The following DOC2B variants were observed in gnomAD, a reference collection of about 807,000 sequenced individuals.
DOC2B encodes the protein double C2 domain beta, also known as double C2-like domain-containing protein beta.
In DOC2B, 21 loss-of-function variants were observed where a neutral mutation model predicts 28.9. That is an observed-to-expected ratio of 0.73 (90% confidence interval 0.52 to 1.05). DOC2B has a LOEUF of 1.05. Ranked by LOEUF, DOC2B falls within the 50% of genes least tolerant of loss-of-function variation. DOC2B has a pLI of 0.00. For synonymous variants in DOC2B, 194 were observed against 178.1 expected (o/e 1.09, Z -0.71); for missense variants, 384 against 421.1 (o/e 0.91, Z 0.77).
At chr17:160,778 G>C (rs2040192399) in intron 5 of DOC2B, among the ~76,000 whole-genome samples, 1 of 152,182 alleles carries the variant, frequency 6.6e-6, no homozygotes, top group Non-Finnish European at 1.5e-5. Context: ...GGGCGTAGCT[G>C]CTGGAGCAGG....
chr17:170,301 G>A (rs2040297341), intron 2 of DOC2B, among the ~76,000 whole-genome samples: 1 of 152,206 alleles, frequency 6.6e-6, no homozygotes, highest in South Asian at 2.1e-4. Context: ...GGGGTGGGAT[G>A]GAGCGTGCAG....
At chr17:164,626 G>A (rs7223862) in intron 2 of DOC2B, among the ~76,000 whole-genome samples, 111,926 of 151,506 alleles carry the variant, frequency 0.74, 42,056 homozygotes, top group East Asian at 0.86. Context: ...GACACAGTCT[G>A]AGACTAGGCC....
intron 2 of DOC2B, among the ~76,000 whole-genome samples, chr17:165,477 G>C (rs1022177541): frequency 9.9e-5 from 14 of 142,098 alleles, no homozygotes; most frequent in African/African-American, 3.7e-4. Flanking sequence ...GTGAGACCCT[G>C]TCTCAAGTTT....
intron 7 of DOC2B, 96 bp downstream of exon 7, chr17:149,015 T>G: frequency 8.6e-6 from 2 of 232,336 alleles, no homozygotes. Context: ...CTGACCACCC[T>G]CCCCATCCCG....
intron 6 of DOC2B, among the ~76,000 whole-genome samples, chr17:151,058 G>A (rs532855865): frequency 6.6e-6 from 1 of 152,186 alleles, no homozygotes; most frequent in South Asian, 2.1e-4. Context: ...TTCTGGTGGT[G>A]GAAACAAGAC....
intron 6 of DOC2B, among the ~76,000 whole-genome samples, chr17:153,713 A>T (rs903837509): frequency 1.3e-5 from 2 of 151,914 alleles, no homozygotes; most frequent in Admixed American, 1.3e-4. Flanking sequence ...AAAAAAAAAA[A>T]TCACACCATT....
chr17:154,606 T>C (rs1233327396), intron 6 of DOC2B, among the ~76,000 whole-genome samples: 2 of 152,276 alleles, frequency 1.3e-5, no homozygotes, highest in Non-Finnish European at 2.9e-5. Context: ...GACATGTTTT[T>C]CTTATCTCTT....
intron 6 of DOC2B, among the ~76,000 whole-genome samples, chr17:149,774 G>A (rs2040053035): frequency 6.6e-6 from 1 of 152,132 alleles, no homozygotes; most frequent in Non-Finnish European, 1.5e-5. Flanking sequence ...CCAAAGTGCT[G>A]GGATTACAGG....
intron 6 of DOC2B, among the ~76,000 whole-genome samples, chr17:150,530 C>T (rs1237502007): frequency 6.6e-6 from 1 of 152,154 alleles, no homozygotes; most frequent in Non-Finnish European, 1.5e-5. Flanking sequence ...AAGCTGAATG[C>T]TATCATTTAA....
intron 1 of DOC2B, among the ~76,000 whole-genome samples, chr17:180,719 G>A (rs2040430873): frequency 6.6e-6 from 1 of 151,592 alleles, no homozygotes; most frequent in South Asian, 2.1e-4. Flanking sequence ...CCGCGCGGCC[G>A]GCAGCAACTG....
At position 147,198 on chromosome 17, in the gene DOC2B, C is replaced by T. The variant is rs995130149; in HGVS notation, c.*243G>A. 0.013 allele frequency: 4,768 copies of T among 380,402 alleles called. 213 individuals carry two copies. Among genetic ancestry groups the T allele is most frequent in the African/African-American group, 0.088 (4,259 of 48,274 alleles). 23.6% of individuals were successfully genotyped at this position (380,402 alleles called of 1,614,324 possible). A position where few individuals can be genotyped will look rare whatever the true frequency, so the allele number is the denominator to read the frequency against. ...CTGGGCAGGTGCTGAGGTCTCTTTC[C>T]ACCACCGGCCTCTTGGGCCCCAGAG... On this transcript the variant is annotated 3_prime_UTR_variant, in exon 9 of 9. Coordinates refer to ENST00000613549, the MANE Select transcript of DOC2B (RefSeq NM_003585.5).
intron 3 of DOC2B, among the ~76,000 whole-genome samples, chr17:163,078 C>T (rs2040223314): frequency 6.6e-6 from 1 of 152,198 alleles, no homozygotes; most frequent in African/African-American, 2.4e-5. Flanking sequence ...TCCCTCTCTC[C>T]CATTGCTTTC....
rs2040019546 is a variant in DOC2B, at chr17:146,415, C to T, written c.*1026G>A. On this transcript the variant is annotated 3_prime_UTR_variant, in exon 9 of 9. Transcript: ENST00000613549. ...GGGGCGGGCTCCGTCCTTGAGGTCCCTCAGGAGTAGAAAGAGATCAGAGTG... is the reference window on the plus strand; with the variant it reads ...GGGGCGGGCTCCGTCCTTGAGGTCCTTCAGGAGTAGAAAGAGATCAGAGTG... 1 of 152,228 alleles carries T rather than the reference C, an allele frequency of 6.6e-6. No homozygotes were observed. Among genetic ancestry groups the T allele is most frequent in the African/African-American group, 2.4e-5 (1 of 41,434 alleles). The allele number at this position is 152,228 out of a possible 1,614,324, so 9.4% of individuals were successfully genotyped here.
intron 1 of DOC2B, among the ~76,000 whole-genome samples, chr17:178,718 G>A (rs1470865862): frequency 6.6e-6 from 1 of 152,252 alleles, no homozygotes; most frequent in African/African-American, 2.4e-5. Context: ...CAGGAGAAAA[G>A]GCTGAGTAAA....
intron 1 of DOC2B, among the ~76,000 whole-genome samples, chr17:179,833 G>A (rs1469566218): frequency 6.6e-6 from 1 of 152,288 alleles, no homozygotes; most frequent in Non-Finnish European, 1.5e-5. Flanking sequence ...CGTGGTCCAG[G>A]CCTCTAGAAA....
At chr17:178,548 C>A (rs2040395213) in intron 1 of DOC2B, among the ~76,000 whole-genome samples, 1 of 152,076 alleles carries the variant, frequency 6.6e-6, no homozygotes, top group Non-Finnish European at 1.5e-5. Context: ...ACAGAGGCCA[C>A]CCTAGGAGAA....
intron 1 of DOC2B, among the ~76,000 whole-genome samples, chr17:180,787 G>A (rs1406156542): frequency 1.3e-5 from 2 of 151,778 alleles, no homozygotes; most frequent in African/African-American, 2.4e-5. Context: ...CGCCCGCGCC[G>A]GAGCTCCGGG....
intron 1 of DOC2B, among the ~76,000 whole-genome samples, chr17:174,697 C>T (rs1567538930): frequency 6.6e-6 from 1 of 152,222 alleles, no homozygotes; most frequent in Non-Finnish European, 1.5e-5. Context: ...CTTCCTTTGA[C>T]ATCAGCCTGA....
chr17:161,722 C>T (rs1044822734), intron 4 of DOC2B, among the ~76,000 whole-genome samples, 181 bp from the exon 5 acceptor site: 5 of 152,240 alleles, frequency 3.3e-5, no homozygotes, highest in African/African-American at 1.2e-4. Flanking sequence ...ATATCAGGCA[C>T]TGTCCTCATG....
Sources: gnomAD v4.1 joint callset for allele counts (sites outside exome capture counted in the v4.1 genomes callset) on GRCh38, gnomAD v4.1.1 for gene constraint, MANE v1.5 for transcripts, NCBI Gene and HGNC (gene_info 2026-07-23, HGNC 2026-07-21) for gene names.